The following PTPRS variants were observed in gnomAD, a reference collection of about 807,000 sequenced individuals.
PTPRS encodes the protein receptor-type tyrosine-protein phosphatase S.
In PTPRS, 63 loss-of-function variants were observed where a neutral mutation model predicts 215.3. The observed-to-expected ratio is 0.29, with a 90% CI of 0.24 to 0.36. PTPRS has a LOEUF of 0.36. PTPRS is among the 10% of genes least tolerant of loss of function. The pLI is 1.00. For synonymous variants in PTPRS, 1,404 were observed against 1,191.4 expected (o/e 1.18, Z -3.68); for missense variants, 2,258 against 2,825.8 (o/e 0.80, Z 4.56).
chr19:5,288,792 A>G (rs2048573638), intron 1 of PTPRS, among the ~76,000 whole-genome samples: 1 of 152,194 alleles, frequency 6.6e-6, no homozygotes, highest in African/African-American at 2.4e-5. Flanking sequence ...TGGCTCTCCC[A>G]CATCCCACGA....
chr19:5,221,916 G>A (rs1416455278), intron 19 of PTPRS, among the ~76,000 whole-genome samples: 1 of 152,138 alleles, frequency 6.6e-6, no homozygotes, highest in Non-Finnish European at 1.5e-5. Flanking sequence ...AATATTGACT[G>A]AACCTCAGTT....
At chr19:5,270,069 G>A (rs558679823) in intron 4 of PTPRS, among the ~76,000 whole-genome samples, 89 of 152,218 alleles carry the variant, frequency 5.8e-4, no homozygotes, top group African/African-American at 2.0e-3. Context: ...GGCAAGAGAA[G>A]GCAGGTTGTT....
chr19:5,302,139 G>A (rs1300588050), intron 1 of PTPRS, among the ~76,000 whole-genome samples: 1 of 152,094 alleles, frequency 6.6e-6, no homozygotes, highest in Admixed American at 6.6e-5. Context: ...GCCAAGGCAG[G>A]AGGATCGTTT....
intron 1 of PTPRS, among the ~76,000 whole-genome samples, chr19:5,312,129 A>C (rs931990734): frequency 6.6e-6 from 1 of 151,924 alleles, no homozygotes; most frequent in Non-Finnish European, 1.5e-5. Flanking sequence ...CCTGCAACAC[A>C]TCTCATAGGA....
intron 2 of PTPRS, among the ~76,000 whole-genome samples, chr19:5,278,926 C>CAT (rs2047624078): frequency 6.6e-6 from 1 of 151,970 alleles, no homozygotes; most frequent in African/African-American, 2.4e-5. Context: ...CATGGTGGCT[C>CAT]ATACCTGTAA....
At chr19:5,312,433 G>A (rs1206575505) in intron 1 of PTPRS, among the ~76,000 whole-genome samples, 3 of 152,028 alleles carry the variant, frequency 2.0e-5, no homozygotes, top group Non-Finnish European at 2.9e-5. Context: ...GTTGAGGCAG[G>A]AGGATTGCTT....
rs188102149 is a variant in PTPRS, at chr19:5,257,018, G to A, written c.707-899C>T. Among the ~76,000 whole-genome samples the A allele has an allele frequency of 3.3e-5, 5 of 151,788 alleles. No homozygotes were observed. The East Asian group carries it at 9.7e-4, about 30-fold the overall frequency. ...ACTGGGGCAGCCCTAGGGATTGAAG[G>A]GCGCCCTGGCATCCTGGCAGAAGCT... On this transcript the variant is annotated intron_variant, in intron 8 of 37. Transcript: ENST00000262963. The surrounding 1 kb of genome is among the most constrained non-coding windows in gnomAD (Gnocchi z 4.4).
chr19:5,303,783 C>A (rs1191620554), intron 1 of PTPRS, among the ~76,000 whole-genome samples: 1 of 150,592 alleles, frequency 6.6e-6, no homozygotes, highest in Admixed American at 6.6e-5. Flanking sequence ...AACCCTGTCT[C>A]TACTAAAAAT....
At chr19:5,258,149 C>A (rs1350045898) in intron 7 of PTPRS, 22 bp from the exon 8 acceptor site, 2 of 1,604,748 alleles carry the variant, frequency 1.2e-6, no homozygotes, top group East Asian at 2.2e-5. Flanking sequence ...TGGGAAAAAG[C>A]TTGGTCTGTT....
At chr19:5,277,974 A>C (rs911959632) in intron 2 of PTPRS, 52 of 1,460,570 alleles carry the variant, frequency 3.6e-5, no homozygotes, top group Non-Finnish European at 4.5e-5. Flanking sequence ...CCTGGTCCCC[A>C]GCGTCAAGGA....
chr19:5,305,589 C>T (rs1026549272), intron 1 of PTPRS, among the ~76,000 whole-genome samples: 10 of 150,188 alleles, frequency 6.7e-5, no homozygotes, highest in Non-Finnish European at 1.3e-4. Flanking sequence ...AGAAGCTGGA[C>T]ACGGTGGCTC....
chr19:5,270,516 C>T (rs1031536498), intron 4 of PTPRS, among the ~76,000 whole-genome samples: 3 of 152,138 alleles, frequency 2.0e-5, no homozygotes, highest in Admixed American at 6.5e-5. Flanking sequence ...CTCTATGTTG[C>T]CCAGACTAGT....
rs1335402011 is a variant in PTPRS, at chr19:5,212,055, T to A, written c.4965A>T (p.Glu1655Asp). ...AGGCATAGAGGCTGCGTGCGGGCAC[T>A]TCTGTGTTGCCACAGCCCACGGCCT... Reference protein sequence around the residue: ...LLEAVGCGNTEVPARSLYAYI... With the variant: ...LLEAVGCGNTDVPARSLYAYI... Residue 1655 changes from glutamate to aspartate, a missense_variant, in exon 32 of 38, where the codon GAA (glutamate) becomes GAT (aspartate). Around this residue, in one of 6 missense-constraint regions of PTPRS, gnomAD observed 927 missense variants for 1,125.9 expected, o/e 0.82. Transcript: ENST00000262963. The A allele has an allele frequency of 5.6e-6, 9 of 1,614,042 alleles. No homozygotes were observed. The highest frequency in any genetic ancestry group is 6.8e-6 in the Non-Finnish European group (8 of 1,180,036).
At chr19:5,222,266 C>T in intron 18 of PTPRS, 46 bp from the exon 19 acceptor site, 1 of 1,507,858 alleles carries the variant, frequency 6.6e-7, no homozygotes. Context: ...AGAGAGGCCC[C>T]ATGAGTGCCT....
At chr19:5,268,868 C>T (rs2046657439) in intron 4 of PTPRS, among the ~76,000 whole-genome samples, 1 of 152,232 alleles carries the variant, frequency 6.6e-6, no homozygotes, top group Non-Finnish European at 1.5e-5. Context: ...CAAAAGCCCT[C>T]CACTCAACCA....
intron 1 of PTPRS, among the ~76,000 whole-genome samples, chr19:5,301,059 G>A (rs2049288123): frequency 6.6e-6 from 1 of 152,218 alleles, no homozygotes; most frequent in Non-Finnish European, 1.5e-5. Context: ...GCTGGGCTTT[G>A]AACCTGGATC....
At chr19:5,241,161 T>C (rs1264612530) in intron 11 of PTPRS, among the ~76,000 whole-genome samples, 1 of 151,894 alleles carries the variant, frequency 6.6e-6, no homozygotes, top group African/African-American at 2.4e-5. Context: ...AGTGCTGGAA[T>C]TACAGGCGCG....
In PTPRS at chr19:5,210,357, A is replaced by G; in HGVS notation, c.5487+112T>C. The stretch of plus-strand genomic sequence containing the variant: ...AACTGGTCAGCTGACACTTCTCCTG[A>G]TTCCCAATGCTTATGCCTAACCCTT... On this transcript the variant is annotated intron_variant, in intron 35 of 37. Coordinates refer to ENST00000262963, the MANE Select transcript of PTPRS (RefSeq NM_002850.4). The surrounding 1 kb of genome is among the most constrained non-coding windows in gnomAD (Gnocchi z 4.5). 2 of 1,477,840 alleles carry G rather than the reference A, an allele frequency of 1.4e-6. No individual in the cohort carries two copies. The highest frequency in any genetic ancestry group is 1.9e-6 in the Non-Finnish European group (2 of 1,080,812). The allele number at this position is 1,477,840 out of a possible 1,614,324, so 91.5% of individuals were successfully genotyped here.
intron 25 of PTPRS, 26 bp downstream of exon 25, chr19:5,218,394 C>T (rs1343807582): frequency 2.5e-6 from 4 of 1,598,194 alleles, no homozygotes; most frequent in Non-Finnish European, 3.4e-6. Flanking sequence ...TTGGTGGCAT[C>T]CCTGGTACCA....
Sources: gnomAD v4.1 joint callset for allele counts (sites outside exome capture counted in the v4.1 genomes callset) on GRCh38, gnomAD v4.1.1 for gene constraint, gnomAD v4.1.1 regional missense constraint, Gnocchi (gnomAD v3.1) non-coding constraint, MANE v1.5 for transcripts, NCBI Gene and HGNC (gene_info 2026-07-23, HGNC 2026-07-21) for gene names.